Variants in ZNF267 observed in about 807,000 individuals in gnomAD.
The protein encoded by ZNF267 is zinc finger protein 267.
A neutral mutation model predicts 71.6 loss-of-function variants in ZNF267; 61 were observed. That is an observed-to-expected ratio of 0.85 (90% CI 0.69 to 1.05). The LOEUF (loss-of-function observed/expected upper bound fraction) is 1.05. ZNF267 is among the 50% of genes least tolerant of loss of function. The pLI is 0.00. For synonymous variants in ZNF267, 288 were observed against 293.2 expected, an observed-to-expected ratio of 0.98 and a Z score of 0.18; for missense variants, 852 against 870.0, an observed-to-expected ratio of 0.98 and a Z score of 0.26.
chr16:31,886,498 A>G (rs2083925438), intron 3 of ZNF267, among the ~76,000 whole-genome samples: 1 of 152,122 alleles, frequency 6.6e-6, no homozygotes, highest in African/African-American at 2.4e-5. Flanking sequence ...TGTGCTTTTT[A>G]TGAGAATCTA....
chr16:31,914,773 T>C lies in ZNF267; in HGVS notation c.524T>C (p.Leu175Pro). The change falls in exon 4 of 4, where the codon CTT (leucine) becomes CCT (proline). Residue 175 changes from leucine (L) to proline (P), a missense_variant. Leu to Pro is a moderately conservative substitution (Grantham distance 98). Coordinates refer to ENST00000300870, the MANE Select transcript of ZNF267 (RefSeq NM_003414.6). ...YRKVFTHSSL[L>P]NQQEEIDIWG... ...AAGGTCTTTACTCATTCATCATTGCTTAATCAACAAGAGGAAATAGATATT... is the reference window on the plus strand; with the variant it reads ...AAGGTCTTTACTCATTCATCATTGCCTAATCAACAAGAGGAAATAGATATT... 6.2e-7 allele frequency: 1 copy of C among 1,613,720 alleles called. No individual in the cohort carries two copies. Among genetic ancestry groups the C allele is most frequent in the Non-Finnish European group, 8.5e-7 (1 of 1,179,906 alleles).
rs560633038 is a variant in ZNF267 at position 31,879,044 on chromosome 16, C to T, written c.3+5075C>T. On this transcript the variant is annotated intron_variant, in intron 1 of 3. Coordinates refer to ENST00000300870, the MANE Select transcript of ZNF267 (RefSeq NM_003414.6). ...AATCACTCTTAACAGCTAAATAGGC[C>T]ATTTGTCAGTCTTTTTGACTCAGTA... is the stretch of plus-strand genomic sequence containing the variant. Among the ~76,000 whole-genome samples the T allele has an allele frequency of 1.3e-4, 20 of 152,058 alleles. No individual in the cohort carries two copies. The East Asian group carries it at 2.3e-3, about 18-fold the overall frequency.
chr16:31,875,311 A>AT (rs2083844586), intron 1 of ZNF267: 1 of 1,288,752 alleles, frequency 7.8e-7, no homozygotes, highest in South Asian at 1.2e-5. Context: ...AGGTATGGAA[A>AT]TGTAGTCCCT....
chr16:31,909,120 C>CTTTTTTTTTTTTTTTTTTTTTTTTTTTT (rs34409182), intron 3 of ZNF267, among the ~76,000 whole-genome samples: 13 of 45,332 alleles, frequency 2.9e-4, no homozygotes, highest in East Asian at 9.6e-4. Context: ...CTTTTCTTTT[C>CTTTTTTTTTTTTTTTTTTTTTTTTTTTT]TTTTTTTTTT....
chr16:31,884,601 A>C lies in ZNF267; in HGVS notation c.107A>C (p.Asn36Thr). 6.2e-7 allele frequency: 1 copy of C among 1,614,096 alleles called. No individual in the cohort carries two copies. Among genetic ancestry groups the C allele is most frequent in the Non-Finnish European group, 8.5e-7 (1 of 1,179,978 alleles). The change falls in exon 2 of 4, where the codon AAC (asparagine) becomes ACC (threonine). Residue 36 changes from asparagine (N) to threonine (T), a missense_variant. Transcript: ENST00000300870. ...TTGTATCAGGATGTGATGTTAGAAA[A>C]CTACAGAAACCTGGTCTCTCTGGGT... ...KNLYQDVMLE[N>T]YRNLVSLGLV...
chr16:31,916,453 A>G lies in ZNF267; in HGVS notation c.2204A>G (p.Gln735Arg). The change falls in exon 4 of 4, where the codon CAG becomes CGG. Residue 735 changes from glutamine to arginine, a missense_variant. Transcript: ENST00000300870. ...FNSRSYLIAH[Q>R]RSHTREKL The stretch of plus-strand genomic sequence containing the variant: ...TCTAGGTCATACCTCATTGCACATC[A>G]GAGAAGTCATACTAGAGAAAAACTT... The G allele has an allele frequency of 3.1e-6, 5 of 1,612,808 alleles. No individual in the cohort carries two copies. Among genetic ancestry groups the G allele is most frequent in the Middle Eastern group, 1.7e-4 (1 of 6,044 alleles).
Position 31,873,827 on chromosome 16 carries a change from C to A in ZNF267, c.-140C>A, listed in dbSNP as rs775442483. 3 of 1,223,720 alleles carry A rather than the reference C, an allele frequency of 2.5e-6. No individual in the cohort carries two copies. The highest frequency in any genetic ancestry group is 3.6e-6 in the Non-Finnish European group (3 of 840,676). 75.8% of individuals were successfully genotyped at this position (1,223,720 alleles called of 1,614,324 possible). A position where few individuals can be genotyped will look rare whatever the true frequency, so the allele number is the denominator to read the frequency against. On this transcript the variant is annotated 5_prime_UTR_variant, in exon 1 of 4. Coordinates refer to ENST00000300870, the MANE Select transcript of ZNF267 (RefSeq NM_003414.6). ...GCTCCAGTTAGAGCTCGGGTCTCCT[C>A]GCCACAGCTCCGAGTCTTTCGTTCT... is the stretch of plus-strand genomic sequence containing the variant.
intron 3 of ZNF267, among the ~76,000 whole-genome samples, chr16:31,906,734 G>A (rs1388623586): frequency 2.0e-5 from 3 of 152,016 alleles, no homozygotes; most frequent in Non-Finnish European, 4.4e-5. Context: ...CCCAGGTGAG[G>A]CAGTGCCTCA....
At chr16:31,909,064 C>CGTGTGTGTGT (rs58278411) in intron 3 of ZNF267, among the ~76,000 whole-genome samples, 21 of 138,464 alleles carry the variant, frequency 1.5e-4, no homozygotes, top group Admixed American at 6.7e-4. Flanking sequence ...GGATATTTTT[C>CGTGTGTGTGT]GTGTGTGTGT....
At chr16:31,899,596 G>T (rs1177606635) in intron 3 of ZNF267, among the ~76,000 whole-genome samples, 1 of 152,096 alleles carries the variant, frequency 6.6e-6, no homozygotes, top group African/African-American at 2.4e-5. Context: ...ATCTAAAAGC[G>T]ACACCCTAAC....
At chr16:31,900,129 T>C (rs1292510157) in intron 3 of ZNF267, among the ~76,000 whole-genome samples, 1 of 151,796 alleles carries the variant, frequency 6.6e-6, no homozygotes, top group African/African-American at 2.4e-5. Flanking sequence ...TCCATGTAAT[T>C]AGTAATAATA....
At chr16:31,885,088 C>CA (rs1182232931) in intron 2 of ZNF267, 73 bp from the exon 3 acceptor site, 98 of 1,282,008 alleles carry the variant, frequency 7.6e-5, no homozygotes, top group South Asian at 1.0e-4. Flanking sequence ...CCTGTGGGGC[C>CA]AAAAAAAAGT....
intron 3 of ZNF267, chr16:31,894,720 A>G (rs2083984810): frequency 4.2e-6 from 2 of 477,124 alleles, no homozygotes; most frequent in South Asian, 3.3e-5. Context: ...GGCATTCCAA[A>G]TGCTCTAATA....
intron 3 of ZNF267, among the ~76,000 whole-genome samples, chr16:31,911,384 TCTGA>T (rs2084134205): frequency 6.6e-6 from 1 of 151,690 alleles, no homozygotes; most frequent in Non-Finnish European, 1.5e-5. Flanking sequence ...TGTTATATTC[TCTGA>T]CTGAATTGAT....
rs778710420 is a variant in ZNF267, at chr16:31,914,710, C to G, written c.461C>G (p.Ser154Cys). Residue 154 changes from serine (S) to cysteine (C), a missense_variant, in exon 4 of 4, where the codon TCT becomes TGT. Transcript: ENST00000300870. ...AGTTTGTTTCACCAGCAAATACTTT[C>G]TTCTTGTGCCAAAAGCTATAACTTT... ...VESLFHQQILSSCAKSYNFDQ... is the reference protein window; with the variant it reads ...VESLFHQQILCSCAKSYNFDQ... The G allele has an allele frequency of 3.1e-6, 5 of 1,614,086 alleles. No individual in the cohort carries two copies. The highest frequency in any genetic ancestry group is 1.7e-4 in the Middle Eastern group (1 of 6,056).
intron 1 of ZNF267, among the ~76,000 whole-genome samples, chr16:31,880,013 TCTC>T (rs1460270692): frequency 1.3e-5 from 2 of 152,074 alleles, no homozygotes; most frequent in African/African-American, 2.4e-5. Flanking sequence ...TGAAGGGCTG[TCTC>T]CTCTAGTTTT....
At chr16:31,875,092 C>T in intron 1 of ZNF267, 1 of 1,283,706 alleles carries the variant, frequency 7.8e-7, no homozygotes, top group Admixed American at 2.3e-5. Context: ...TCCCCAGGCA[C>T]AGACACGTTA....
At chr16:31,907,371 T>C (rs370103033) in intron 3 of ZNF267, among the ~76,000 whole-genome samples, 1 of 152,208 alleles carries the variant, frequency 6.6e-6, no homozygotes, top group Non-Finnish European at 1.5e-5. Flanking sequence ...CTTCATTTTT[T>C]AATCCTGTTT....
chr16:31,882,230 G>A (rs780130454), intron 1 of ZNF267, among the ~76,000 whole-genome samples: 10 of 152,182 alleles, frequency 6.6e-5, no homozygotes, highest in African/African-American at 1.7e-4. Context: ...GCATGTATCC[G>A]TGCTGTTTTC....
Sources: gnomAD v4.1 joint callset for allele counts (sites outside exome capture counted in the v4.1 genomes callset) on GRCh38, gnomAD v4.1.1 for gene constraint, MANE v1.5 for transcripts, NCBI Gene and HGNC (gene_info 2026-07-23, HGNC 2026-07-21) for gene names.